Variants in ZNF804A observed in about 807,000 individuals in gnomAD.
The protein encoded by ZNF804A is zinc finger protein 804A.
Under a neutral mutation model 16.5 loss-of-function variants are expected in ZNF804A, and 2 were observed. That is an observed-to-expected ratio of 0.12 (90% CI 0.05 to 0.38). The LOEUF is 0.38. ZNF804A is among the 10% of genes least tolerant of loss of function. The probability of loss-of-function intolerance (pLI) is 0.99; values close to 1 mark genes in which losing one functional copy is unlikely to be tolerated. For missense variants in ZNF804A, 1,473 were observed against 1,390.7 expected, an observed-to-expected ratio of 1.06 and a Z score of -0.94; for synonymous variants, 534 against 489.6, an observed-to-expected ratio of 1.09 and a Z score of -1.20.
chr2:184,628,464 T>G (rs1229018217), intron 1 of ZNF804A, among the ~76,000 whole-genome samples: 3 of 152,122 alleles, frequency 2.0e-5, no homozygotes, highest in Non-Finnish European at 4.4e-5. Flanking sequence ...TCTGAAAATT[T>G]TAGAATATAT....
chr2:184,799,586 A>G (rs190635011), intron 1 of ZNF804A, among the ~76,000 whole-genome samples: 215 of 152,262 alleles, frequency 1.4e-3, no homozygotes, highest in African/African-American at 4.8e-3. Context: ...GAAGTAGTGC[A>G]ATCACAGCTC....
At chr2:184,720,018 A>G (rs1043283508) in intron 1 of ZNF804A, among the ~76,000 whole-genome samples, 1 of 152,190 alleles carries the variant, frequency 6.6e-6, no homozygotes, top group African/African-American at 2.4e-5. Context: ...AAAGAGGTTT[A>G]TTGGACTTAC....
intron 1 of ZNF804A, among the ~76,000 whole-genome samples, chr2:184,772,399 C>T (rs1162625507): frequency 1.3e-5 from 2 of 151,824 alleles, no homozygotes; most frequent in African/African-American, 2.4e-5. Context: ...AAACGTCTTT[C>T]GTGACTTGCT....
chr2:184,735,533 A>T (rs1360791454), intron 1 of ZNF804A, among the ~76,000 whole-genome samples: 1 of 152,206 alleles, frequency 6.6e-6, no homozygotes, highest in Non-Finnish European at 1.5e-5. Context: ...ATGCATGTGT[A>T]TACCTATGTA....
chr2:184,761,404 A>T (rs1694034738), intron 1 of ZNF804A, among the ~76,000 whole-genome samples: 1 of 152,132 alleles, frequency 6.6e-6, no homozygotes. Context: ...TAAGGCTCAA[A>T]CTTGAAGCTT....
intron 1 of ZNF804A, among the ~76,000 whole-genome samples, chr2:184,767,612 C>CAAACA (rs371887086): frequency 8.7e-4 from 132 of 151,434 alleles, no homozygotes; most frequent in African/African-American, 3.1e-3. Context: ...CACAAAGTGT[C>CAAACA]AAACAAACAA....
intron 1 of ZNF804A, among the ~76,000 whole-genome samples, chr2:184,733,619 G>T (rs1277197459): frequency 9.2e-5 from 14 of 152,056 alleles, no homozygotes; most frequent in Non-Finnish European, 2.1e-4. Context: ...TACATATCTG[G>T]TAGAATACTT....
intron 1 of ZNF804A, among the ~76,000 whole-genome samples, chr2:184,706,653 T>C (rs1260426202): frequency 6.6e-6 from 1 of 152,126 alleles, no homozygotes; most frequent in African/African-American, 2.4e-5. Context: ...GATCTTCCCC[T>C]ATCTTGTGAA....
rs555332488 is a variant in ZNF804A, at chr2:184,634,236, G to T, written c.111+35166G>T. ...CATACCTTAATTTCTGATTAATTTT[G>T]TATATTTTAAAGAATTATCAACCAT... On this transcript the variant is annotated intron_variant, in intron 1 of 3. Transcript: ENST00000302277. Among the ~76,000 whole-genome samples the T allele has an allele frequency of 1.4e-3, 209 of 152,004 alleles. 1 individual carries two copies. The highest frequency in any genetic ancestry group is 4.5e-3 in the African/African-American group (188 of 41,468).
chr2:184,637,380 A>G (rs1235583938), intron 1 of ZNF804A, among the ~76,000 whole-genome samples: 1 of 152,194 alleles, frequency 6.6e-6, no homozygotes, highest in Non-Finnish European at 1.5e-5. Context: ...CTCTGGAGAA[A>G]TAGACTTAGG....
chr2:184,747,708 G>T (rs1693811755), intron 1 of ZNF804A, among the ~76,000 whole-genome samples: 2 of 150,306 alleles, frequency 1.3e-5, no homozygotes, highest in Admixed American at 1.3e-4. Context: ...TTTTATTTTA[G>T]ATACAGGAGG....
chr2:184,883,917 C>T (rs1558992031), intron 2 of ZNF804A, among the ~76,000 whole-genome samples: 1 of 152,090 alleles, frequency 6.6e-6, no homozygotes, highest in Non-Finnish European at 1.5e-5. Context: ...TCACTCACCA[C>T]TCCTATTTCA....
chr2:184,785,824 A>C (rs1694439006), intron 1 of ZNF804A, among the ~76,000 whole-genome samples: 1 of 152,120 alleles, frequency 6.6e-6, no homozygotes, highest in Non-Finnish European at 1.5e-5. Context: ...CATTGATTAT[A>C]CTGGAATTAC....
chr2:184,746,899 G>A (rs909640897), intron 1 of ZNF804A, among the ~76,000 whole-genome samples: 2 of 151,280 alleles, frequency 1.3e-5, no homozygotes, highest in African/African-American at 4.8e-5. Context: ...CATTTTTATG[G>A]TGGAATAATA....
At position 184,657,232 on chromosome 2, in the gene ZNF804A, T is replaced by G. The variant is rs542835529; in HGVS notation, c.111+58162T>G. 3.9e-5 allele frequency among the ~76,000 whole-genome samples: 6 copies of G among 152,218 alleles called. No homozygotes were observed. The South Asian group carries it at 8.3e-4, about 21-fold the overall frequency. On this transcript the variant is annotated intron_variant, in intron 1 of 3. Coordinates refer to ENST00000302277, the MANE Select transcript of ZNF804A (RefSeq NM_194250.2). Reference sequence around the variant, plus strand: ...TTCCTAGTAGCTGGAACCACAGGCATACACCCCAATGCCTGGCTAATTTGT... The same window carrying G: ...TTCCTAGTAGCTGGAACCACAGGCAGACACCCCAATGCCTGGCTAATTTGT...
intron 1 of ZNF804A, among the ~76,000 whole-genome samples, chr2:184,637,440 T>C (rs930299846): frequency 6.6e-6 from 1 of 152,208 alleles, no homozygotes; most frequent in Non-Finnish European, 1.5e-5. Context: ...CTTTTCCATA[T>C]TTGCTGCAAA....
At chr2:184,772,767 C>T (rs1334534061) in intron 1 of ZNF804A, among the ~76,000 whole-genome samples, 7 of 151,392 alleles carry the variant, frequency 4.6e-5, no homozygotes, top group Admixed American at 2.0e-4. Flanking sequence ...TTTCCCATAT[C>T]CTTACCAACC....
chr2:184,610,827 G>A (rs1000271490), intron 1 of ZNF804A, among the ~76,000 whole-genome samples: 1 of 152,128 alleles, frequency 6.6e-6, no homozygotes, highest in African/African-American at 2.4e-5. Context: ...GTTATGACCT[G>A]GGTAAAGTTC....
At chr2:184,843,686 G>A (rs528157690) in intron 1 of ZNF804A, among the ~76,000 whole-genome samples, 3 of 152,246 alleles carry the variant, frequency 2.0e-5, no homozygotes, top group Non-Finnish European at 4.4e-5. Flanking sequence ...TTTCAGCATA[G>A]ACAAGCTTTT....
Sources: allele counts gnomAD v4.1 joint callset (sites outside exome capture counted in the v4.1 genomes callset), GRCh38; gene constraint gnomAD v4.1.1; transcripts MANE v1.5; gene names NCBI Gene and HGNC (gene_info 2026-07-23, HGNC 2026-07-21).